The following CDH13 variants were observed in gnomAD, a reference collection of about 807,000 sequenced individuals.
CDH13 encodes the protein cadherin 13.
In CDH13, 24 loss-of-function variants were observed where a neutral mutation model predicts 63.8. The observed-to-expected ratio is 0.38, with a 90% CI of 0.27 to 0.53. The LOEUF (loss-of-function observed/expected upper bound fraction) is 0.53. Ranked by LOEUF, CDH13 falls within the 20% of genes least tolerant of loss-of-function variation. The pLI, the probability that CDH13 is intolerant of heterozygous loss-of-function variation, is 0.85. For synonymous variants in CDH13, 503 were observed against 355.3 expected (o/e 1.42, Z -4.67); for missense variants, 1,049 against 903.1 (o/e 1.16, Z -2.07).
intron 2 of CDH13, among the ~76,000 whole-genome samples, chr16:82,976,752 G>A (rs1567712103): frequency 6.6e-6 from 1 of 152,136 alleles, no homozygotes; most frequent in African/African-American, 2.4e-5. Context: ...TGCTGAGCAC[G>A]AAAATGCACT....
chr16:83,392,321 C>T (rs920650842), intron 6 of CDH13, among the ~76,000 whole-genome samples: 1 of 152,156 alleles, frequency 6.6e-6, no homozygotes, highest in African/African-American at 2.4e-5. Flanking sequence ...GCCTCACGAG[C>T]TGTAAGTACT....
intron 1 of CDH13, among the ~76,000 whole-genome samples, chr16:82,851,236 C>G (rs1334030882): frequency 6.6e-6 from 1 of 151,980 alleles, no homozygotes; most frequent in African/African-American, 2.4e-5. Flanking sequence ...GAGTTCGAGA[C>G]CAGCCTGGCC....
chr16:83,145,948 C>T (rs913146649), intron 4 of CDH13, among the ~76,000 whole-genome samples: 2 of 152,068 alleles, frequency 1.3e-5, no homozygotes, highest in Non-Finnish European at 2.9e-5. Flanking sequence ...GATGCTGGAA[C>T]TTTGGGAGGC....
intron 2 of CDH13, among the ~76,000 whole-genome samples, chr16:82,973,889 A>G (rs970008606): frequency 2.0e-5 from 3 of 151,956 alleles, no homozygotes; most frequent in African/African-American, 7.3e-5. Flanking sequence ...ATACTCACAC[A>G]CCTTATTTTT....
chr16:83,707,258 T>A (rs916092229), intron 10 of CDH13, among the ~76,000 whole-genome samples: 1 of 152,338 alleles, frequency 6.6e-6, no homozygotes, highest in African/African-American at 2.4e-5. Context: ...TTTCAAATAC[T>A]GCATGGTCCG....
chr16:83,351,819 G>A (rs1025696725), intron 6 of CDH13, among the ~76,000 whole-genome samples: 1 of 152,196 alleles, frequency 6.6e-6, no homozygotes, highest in East Asian at 1.9e-4. Context: ...ATTTTAGTCT[G>A]TATCTTGGCT....
chr16:83,526,197 C>G (rs1455807984), intron 7 of CDH13, among the ~76,000 whole-genome samples: 1 of 152,212 alleles, frequency 6.6e-6, no homozygotes, highest in African/African-American at 2.4e-5. Context: ...TCATCAGAGT[C>G]AGAAGTTTTG....
At chr16:83,266,097 C>T (rs1267647298) in intron 5 of CDH13, among the ~76,000 whole-genome samples, 4 of 152,082 alleles carry the variant, frequency 2.6e-5, no homozygotes, top group East Asian at 1.9e-4. Context: ...CCACCACGTC[C>T]GGCTAATTTT....
At chr16:82,853,056 G>A (rs1286549442) in intron 1 of CDH13, among the ~76,000 whole-genome samples, 1 of 152,210 alleles carries the variant, frequency 6.6e-6, no homozygotes, top group Non-Finnish European at 1.5e-5. Flanking sequence ...CTGGTATAAA[G>A]AGTGTGATTT....
intron 4 of CDH13, among the ~76,000 whole-genome samples, chr16:83,141,868 A>G (rs899141486): frequency 4.6e-5 from 7 of 152,154 alleles, no homozygotes; most frequent in African/African-American, 1.7e-4. Context: ...ATGGCTGCAT[A>G]GTATTCCATG....
intron 10 of CDH13, among the ~76,000 whole-genome samples, chr16:83,731,673 G>T (rs751136518): frequency 2.0e-5 from 3 of 152,182 alleles, no homozygotes; most frequent in Non-Finnish European, 2.9e-5. Flanking sequence ...TGCTTTTGGG[G>T]ACTTTGTCAT....
intron 2 of CDH13, among the ~76,000 whole-genome samples, chr16:82,918,914 C>A (rs556187929): frequency 7.9e-5 from 12 of 152,076 alleles, no homozygotes; most frequent in African/African-American, 2.7e-4. Context: ...TTTATTATAC[C>A]TGTTTGATAA....
intron 8 of CDH13, among the ~76,000 whole-genome samples, chr16:83,624,367 C>A (rs1170683418): frequency 6.7e-6 from 1 of 149,430 alleles, no homozygotes; most frequent in African/African-American, 2.5e-5. Context: ...GTCAGCAGTC[C>A]CCAGCCTTTT....
intron 4 of CDH13, among the ~76,000 whole-genome samples, chr16:83,142,046 C>T (rs914009698): frequency 1.3e-5 from 2 of 152,162 alleles, no homozygotes; most frequent in Non-Finnish European, 2.9e-5. Flanking sequence ...ACCTGTGTAT[C>T]CCACTGTTTT....
At chr16:83,524,952 C>G (rs944928555) in intron 7 of CDH13, among the ~76,000 whole-genome samples, 4 of 152,108 alleles carry the variant, frequency 2.6e-5, no homozygotes, top group African/African-American at 9.7e-5. Flanking sequence ...GTCAGTAGAC[C>G]AATGATTTTC....
Position 83,668,553 on chromosome 16 carries a change from G to A in CDH13, c.1102-2237G>A, listed in dbSNP as rs115797152. The stretch of plus-strand genomic sequence containing the variant: ...CAGGTGTCAGAAGAACCACAAGGAC[G>A]GGTTATGAGCTGACATCCACTTTGA... On this transcript the variant is annotated intron_variant, in intron 8 of 13. Coordinates refer to ENST00000567109, the MANE Select transcript of CDH13 (RefSeq NM_001257.5). 3.4e-3 allele frequency among the ~76,000 whole-genome samples: 521 copies of A among 152,284 alleles called. 6 individuals are homozygous for A. Among genetic ancestry groups the A allele is most frequent in the African/African-American group, 0.012 (493 of 41,544 alleles).
At chr16:83,117,683 A>C (rs2035370427) in intron 3 of CDH13, among the ~76,000 whole-genome samples, 1 of 151,968 alleles carries the variant, frequency 6.6e-6, no homozygotes, top group Non-Finnish European at 1.5e-5. Flanking sequence ...GAATGAATGA[A>C]TGACTTAGTT....
intron 1 of CDH13, among the ~76,000 whole-genome samples, chr16:82,772,281 G>C (rs181880577): frequency 1.3e-3 from 191 of 152,238 alleles, no homozygotes; most frequent in Non-Finnish European, 2.2e-3. Flanking sequence ...CATACTACCG[G>C]AGCTGCTGGC....
chr16:82,968,114 A>G (rs1908131848), intron 2 of CDH13, among the ~76,000 whole-genome samples: 1 of 152,200 alleles, frequency 6.6e-6, no homozygotes, highest in Non-Finnish European at 1.5e-5. Flanking sequence ...TCCAATTTTA[A>G]AAGTTTCATT....
Sources: gnomAD v4.1 joint callset for allele counts (sites outside exome capture counted in the v4.1 genomes callset) on GRCh38, gnomAD v4.1.1 for gene constraint, MANE v1.5 for transcripts, NCBI Gene and HGNC (gene_info 2026-07-23, HGNC 2026-07-21) for gene names.